Variants in CPNE4 observed in about 807,000 individuals in gnomAD.
CPNE4 encodes copine 4, also known as copine-4.
A neutral mutation model predicts 67.9 loss-of-function variants in CPNE4; 25 were observed. That is an observed-to-expected ratio of 0.37 (90% CI 0.27 to 0.51). CPNE4 has a LOEUF of 0.51. Ranked by LOEUF, CPNE4 falls within the 20% of genes least tolerant of loss-of-function variation. The pLI is 0.93. For missense variants in CPNE4, 464 were observed against 690.8 expected (o/e 0.67, Z 3.68); for synonymous variants, 242 against 244.9 (o/e 0.99, Z 0.11).
rs117579093 is a variant in CPNE4 at position 131,998,945 on chromosome 3, C to T, written c.-2+35622G>A. ...TTATAATGAGTGAAAACAAAATTAC[C>T]GGATGATGAGAAATGCTATGCAGCT... On this transcript the variant is annotated intron_variant, in intron 1 of 15. Transcript: ENST00000429747. Among the ~76,000 whole-genome samples the T allele has an allele frequency of 1.2e-3, 176 of 151,938 alleles. 1 individual carries two copies. In the East Asian group the frequency reaches 0.026, roughly 22 times the overall value.
intron 2 of CPNE4, among the ~76,000 whole-genome samples, chr3:131,736,571 C>T (rs921891351): frequency 1.8e-4 from 25 of 140,560 alleles, no homozygotes; most frequent in African/African-American, 6.1e-4. Flanking sequence ...GCGGAGATCA[C>T]ACCACTGCAC....
intron 1 of CPNE4, among the ~76,000 whole-genome samples, chr3:131,927,717 C>G (rs1161775808): frequency 1.3e-5 from 2 of 152,104 alleles, no homozygotes; most frequent in African/African-American, 2.4e-5. Flanking sequence ...GACAGTTTAT[C>G]CTCTGTTCTT....
At chr3:131,796,977 G>C (rs1410837781) in intron 2 of CPNE4, among the ~76,000 whole-genome samples, 1 of 152,216 alleles carries the variant, frequency 6.6e-6, no homozygotes, top group African/African-American at 2.4e-5. Context: ...GGAAAGGGCA[G>C]AATGGTTTCT....
At chr3:131,840,758 AG>A (rs1215820722) in intron 2 of CPNE4, among the ~76,000 whole-genome samples, 3 of 152,092 alleles carry the variant, frequency 2.0e-5, no homozygotes, top group African/African-American at 7.2e-5. Context: ...ATGCACTTGG[AG>A]TGGTTTTCTG....
At chr3:131,726,708 C>A in intron 2 of CPNE4, among the ~76,000 whole-genome samples, 1 of 97,730 alleles carries the variant, frequency 1.0e-5, no homozygotes, top group Non-Finnish European at 1.9e-5. Flanking sequence ...CAGCTGCATC[C>A]TAATCAACTG....
chr3:132,038,882 G>A (rs376341342), upstream of CPNE4, among the ~76,000 whole-genome samples: 74 of 152,240 alleles, frequency 4.9e-4, no homozygotes, highest in African/African-American at 1.6e-3. Flanking sequence ...GGGTAGCAAC[G>A]TGTTTAGCTC....
intron 2 of CPNE4, among the ~76,000 whole-genome samples, chr3:131,817,563 G>A (rs2084793239): frequency 6.6e-6 from 1 of 152,106 alleles, no homozygotes; most frequent in African/African-American, 2.4e-5. Context: ...GTCCTATGGA[G>A]ATGTGGATGA....
chr3:131,967,793 A>G (rs2072393627), intron 1 of CPNE4, among the ~76,000 whole-genome samples: 1 of 152,238 alleles, frequency 6.6e-6, no homozygotes, highest in South Asian at 2.1e-4. Context: ...AAAGTAATTT[A>G]TAGATTCAAT....
chr3:131,571,664 G>C (rs2107676958), intron 10 of CPNE4, among the ~76,000 whole-genome samples: 1 of 151,948 alleles, frequency 6.6e-6, no homozygotes, highest in South Asian at 2.1e-4. Flanking sequence ...CTGGTACCAG[G>C]CCTGTGGCAG....
intron 2 of CPNE4, among the ~76,000 whole-genome samples, chr3:131,750,400 T>C (rs1583136754): frequency 6.6e-6 from 1 of 152,264 alleles, no homozygotes; most frequent in East Asian, 1.9e-4. Context: ...TGCCATCCTA[T>C]GGGTTACTTG....
At chr3:131,883,614 A>G (rs2087762889) in intron 2 of CPNE4, among the ~76,000 whole-genome samples, 1 of 152,226 alleles carries the variant, frequency 6.6e-6, no homozygotes, top group Non-Finnish European at 1.5e-5. Flanking sequence ...AAAGCCCTAC[A>G]TAATTTGAAC....
At chr3:131,938,260 G>C (rs2071283841) in intron 1 of CPNE4, among the ~76,000 whole-genome samples, 1 of 151,932 alleles carries the variant, frequency 6.6e-6, no homozygotes, top group African/African-American at 2.4e-5. Flanking sequence ...CGGAGGCTGA[G>C]ATCGGAGGAT....
chr3:131,714,204 C>T (rs1300357041), intron 3 of CPNE4, among the ~76,000 whole-genome samples: 11 of 152,144 alleles, frequency 7.2e-5, no homozygotes, highest in Admixed American at 7.2e-4. Context: ...TCAGCATCAT[C>T]ATAACACCCA....
At chr3:131,563,955 A>T (rs1209447767) in intron 11 of CPNE4, among the ~76,000 whole-genome samples, 1 of 152,070 alleles carries the variant, frequency 6.6e-6, no homozygotes, top group Non-Finnish European at 1.5e-5. Flanking sequence ...ACAGGCTAAG[A>T]CTTCACAAAA....
rs564422485 is a variant in CPNE4 at position 131,832,733 on chromosome 3, G to C, written c.180+72531C>G. Among the ~76,000 whole-genome samples the C allele has an allele frequency of 3.3e-5, 5 of 152,160 alleles. No individual in the cohort carries two copies. The South Asian group carries it at 8.3e-4, about 25-fold the overall frequency. ...TGCCTCAGGATAAACTGTACCTTCA[G>C]TCTCACCCATATATGATTTAGATGA... On this transcript the variant is annotated intron_variant, in intron 2 of 15. Transcript: ENST00000429747.
chr3:131,848,666 CAAAA>C (rs10565807), intron 2 of CPNE4, among the ~76,000 whole-genome samples: 4 of 139,998 alleles, frequency 2.9e-5, no homozygotes, highest in Non-Finnish European at 1.5e-5. Flanking sequence ...AATGTGCATC[CAAAA>C]AAAAAAAAAA....
chr3:131,965,871 A>C (rs1454190411), intron 1 of CPNE4, among the ~76,000 whole-genome samples: 1 of 152,192 alleles, frequency 6.6e-6, no homozygotes, highest in Non-Finnish European at 1.5e-5. Context: ...TGGACCAAGC[A>C]GACCTAATAG....
At chr3:131,732,317 T>C (rs1382139182) in intron 2 of CPNE4, among the ~76,000 whole-genome samples, 4 of 152,236 alleles carry the variant, frequency 2.6e-5, no homozygotes, top group African/African-American at 9.6e-5. Context: ...CTCCATTAAC[T>C]GGCACACTCC....
chr3:131,835,606 C>A (rs930894209), intron 2 of CPNE4, among the ~76,000 whole-genome samples: 1 of 152,108 alleles, frequency 6.6e-6, no homozygotes, highest in Admixed American at 6.6e-5. Flanking sequence ...AAGACAGAAG[C>A]CTTTTACCCT....
Sources: allele counts gnomAD v4.1 joint callset (sites outside exome capture counted in the v4.1 genomes callset), GRCh38; gene constraint gnomAD v4.1.1; transcripts MANE v1.5; gene names NCBI Gene and HGNC (gene_info 2026-07-23, HGNC 2026-07-21).